The following DPH6 variants were observed in gnomAD, a reference collection of about 807,000 sequenced individuals.
DPH6 encodes the protein diphthamine biosynthesis 6.
In DPH6, 33 loss-of-function variants were observed where a neutral mutation model predicts 38.2. The ratio of observed to expected loss-of-function variants is 0.86; its 90% CI spans 0.65 to 1.15. The LOEUF is 1.15. Among genes scored for constraint, DPH6 ranks in the 50% most tolerant of loss-of-function variants. The pLI, the probability that DPH6 is intolerant of heterozygous loss-of-function variation, is 0.00. For synonymous variants in DPH6, 108 were observed against 103.0 expected (o/e 1.05, Z -0.30); for missense variants, 325 against 320.0 (o/e 1.02, Z -0.12).
chr15:35,434,064 T>C (rs1416978639), intron 5 of DPH6, among the ~76,000 whole-genome samples: 1 of 152,172 alleles, frequency 6.6e-6, no homozygotes, highest in East Asian at 1.9e-4. Flanking sequence ...AATGTTTATA[T>C]CCATCTCTAC....
intron 6 of DPH6, among the ~76,000 whole-genome samples, chr15:35,398,259 T>G (rs1233090431): frequency 6.6e-6 from 1 of 152,188 alleles, no homozygotes; most frequent in East Asian, 1.9e-4. Flanking sequence ...TTTGTTCTAA[T>G]GAGGTGACCC....
At chr15:35,540,958 G>A (rs1312783351) in intron 2 of DPH6, among the ~76,000 whole-genome samples, 1 of 152,068 alleles carries the variant, frequency 6.6e-6, no homozygotes, top group East Asian at 1.9e-4. Flanking sequence ...CAAGGGATAA[G>A]GGAGTTTCTC....
At chr15:35,242,957 C>T (rs925361986) in intron 3 of DPH6, among the ~76,000 whole-genome samples, 2 of 142,338 alleles carry the variant, frequency 1.4e-5, no homozygotes, top group African/African-American at 2.6e-5. Flanking sequence ...CAGCTGATAT[C>T]TCCTCGTGCT....
At chr15:35,485,220 T>C (rs1410165391) in intron 3 of DPH6, among the ~76,000 whole-genome samples, 2 of 152,078 alleles carry the variant, frequency 1.3e-5, no homozygotes, top group Non-Finnish European at 2.9e-5. Context: ...CCATGGGTGG[T>C]AGAGAGAGAA....
chr15:35,330,466 G>C (rs2052318984), downstream of DPH6, among the ~76,000 whole-genome samples: 1 of 152,142 alleles, frequency 6.6e-6, no homozygotes, highest in Admixed American at 6.6e-5. Flanking sequence ...TGATTCCCAA[G>C]ACAGCAATAT....
At chr15:35,451,026 T>A (rs1319671909) in intron 4 of DPH6, among the ~76,000 whole-genome samples, 1 of 152,122 alleles carries the variant, frequency 6.6e-6, no homozygotes, top group Admixed American at 6.5e-5. Context: ...CCAGGCACAC[T>A]AGAAATATTA....
intron 1 of DPH6, among the ~76,000 whole-genome samples, chr15:35,544,134 C>A (rs2055306510): frequency 6.6e-6 from 1 of 152,174 alleles, no homozygotes; most frequent in African/African-American, 2.4e-5. Flanking sequence ...AGAGGTCTCA[C>A]AGCTCTATTT....
intron 3 of DPH6, among the ~76,000 whole-genome samples, chr15:35,528,380 T>C (rs2141250864): frequency 6.6e-6 from 1 of 152,258 alleles, no homozygotes; most frequent in South Asian, 2.1e-4. Flanking sequence ...GCTATCATAA[T>C]TCATTTTGAT....
At chr15:35,329,442 T>A (rs1010932987), downstream of DPH6, among the ~76,000 whole-genome samples, 4 of 152,222 alleles carry the variant, frequency 2.6e-5, no homozygotes, top group African/African-American at 7.2e-5. Context: ...AGCTTAGTTG[T>A]GAAATTCTAA....
intron 3 of DPH6, chr15:35,489,530 T>A (rs2054448750): frequency 1.0e-6 from 1 of 983,314 alleles, no homozygotes; most frequent in South Asian, 4.7e-5. Flanking sequence ...TTCATAATCT[T>A]TTGCAGGGAT....
At chr15:35,300,290 T>C (rs1470533278) in intron 3 of DPH6, among the ~76,000 whole-genome samples, 2 of 152,338 alleles carry the variant, frequency 1.3e-5, no homozygotes, top group South Asian at 2.1e-4. Flanking sequence ...ACGGAAGCTA[T>C]TGAATTGTGT....
At chr15:35,401,545 G>A in intron 6 of DPH6, 1 of 771,804 alleles carries the variant, frequency 1.3e-6, no homozygotes, top group Non-Finnish European at 2.4e-6. Flanking sequence ...AGGTGGCTTT[G>A]GTGGTGGTAG....
At chr15:35,162,929 G>A in the DPH6 span, among the ~76,000 whole-genome samples, 1 of 151,824 alleles carries the variant, frequency 6.6e-6, no homozygotes, top group Non-Finnish European at 1.5e-5. Context: ...TAAGCAAATT[G>A]GTCACAACAC....
At chr15:35,232,866 C>G (rs2051527657) in intron 3 of DPH6, among the ~76,000 whole-genome samples, 1 of 152,086 alleles carries the variant, frequency 6.6e-6, no homozygotes, top group African/African-American at 2.4e-5. Flanking sequence ...AAAATAGTTG[C>G]AAGAGAATGC....
At chr15:35,194,039 T>C in the DPH6 span, among the ~76,000 whole-genome samples, 1 of 152,164 alleles carries the variant, frequency 6.6e-6, no homozygotes, top group Admixed American at 6.6e-5. Context: ...GCACCTAATA[T>C]AACATGATTC....
the DPH6 span, among the ~76,000 whole-genome samples, chr15:35,179,649 T>G: frequency 3.9e-5 from 6 of 152,182 alleles, no homozygotes; most frequent in Non-Finnish European, 7.3e-5. Flanking sequence ...CAGGAAATAT[T>G]ACCTGTTGTG....
At chr15:35,496,567 A>AAAAAAAAAAAATATAT in intron 3 of DPH6, among the ~76,000 whole-genome samples, 1 of 31,014 alleles carries the variant, frequency 3.2e-5, no homozygotes, top group African/African-American at 1.4e-4. Context: ...AAAAAAAAAA[A>AAAAAAAAAAAATATAT]ATATATATAT....
chr15:35,405,525 A>G (rs923010078), intron 6 of DPH6, among the ~76,000 whole-genome samples: 1 of 152,076 alleles, frequency 6.6e-6, no homozygotes, highest in Non-Finnish European at 1.5e-5. Context: ...GCATATAGAC[A>G]TGCTATTGAT....
At chr15:35,542,223 T>A (rs552651541) in intron 2 of DPH6, among the ~76,000 whole-genome samples, 190 bp downstream of exon 2, 2 of 152,216 alleles carry the variant, frequency 1.3e-5, no homozygotes, top group African/African-American at 4.8e-5. Context: ...TCTATAGAAG[T>A]TGGTTATGAG....
Sources: allele counts gnomAD v4.1 joint callset (sites outside exome capture counted in the v4.1 genomes callset), GRCh38; gene constraint gnomAD v4.1.1; transcripts MANE v1.5; gene names NCBI Gene and HGNC (gene_info 2026-07-23, HGNC 2026-07-21).